The following SLAMF1 variants were observed in gnomAD, a reference collection of about 807,000 sequenced individuals.
SLAMF1 encodes signaling lymphocytic activation molecule family member 1.
SLAMF1 carries 18 observed loss-of-function variants against 35.1 expected under a neutral mutation model. That is an observed-to-expected ratio of 0.51 (90% CI 0.35 to 0.76). The LOEUF is 0.76. SLAMF1 is among the 30% of genes least tolerant of loss of function. The probability of loss-of-function intolerance (pLI) is 0.01; values close to 1 mark genes in which losing one functional copy is unlikely to be tolerated. For synonymous variants in SLAMF1, 168 were observed against 157.2 expected (o/e 1.07, Z -0.51); for missense variants, 392 against 413.0 (o/e 0.95, Z 0.44).
Position 160,637,321 on chromosome 1 carries a change from G to C in SLAMF1, c.285C>G (p.Arg95=). Residue 95 remains arginine, a synonymous_variant, in exon 2 of 7, where the codon CGC becomes CGG. Transcript: ENST00000302035. ...EAGPPRYLGD[R]YKFYLENLTL... ...TGAGATTCTCCAGATAAAACTTGTA[G>C]CGATCTCCTAGATAACGTGGAGGGC... 3 of 1,613,926 alleles carry C rather than the reference G, an allele frequency of 1.9e-6. No individual in the cohort carries two copies. The highest frequency in any genetic ancestry group is 2.5e-6 in the Non-Finnish European group (3 of 1,179,848).
At chr1:160,623,388 T>A (rs531632691) in intron 4 of SLAMF1, 4 of 394,866 alleles carry the variant, frequency 1.0e-5, no homozygotes, top group African/African-American at 8.2e-5. Flanking sequence ...AAAACCAACA[T>A]CAGAGTGCTG....
At chr1:160,623,522 C>T in intron 4 of SLAMF1, 1 of 398,686 alleles carries the variant, frequency 2.5e-6, no homozygotes, top group Non-Finnish European at 4.4e-6. Context: ...GCAGCCGGGG[C>T]ATCTCTCCTG....
chr1:160,645,939 G>A (rs1203803142), intron 1 of SLAMF1, among the ~76,000 whole-genome samples: 4 of 151,982 alleles, frequency 2.6e-5, no homozygotes, highest in Admixed American at 6.6e-5. Context: ...ATTTCCCCCC[G>A]TGTCCGTAAT....
intron 3 of SLAMF1, chr1:160,634,377 G>A: frequency 1.0e-6 from 1 of 983,738 alleles, no homozygotes; most frequent in East Asian, 1.1e-4. Context: ...TAGGCTCTGG[G>A]TCTGTCTCTA....
chr1:160,626,420 T>C (rs1659882042), intron 3 of SLAMF1, among the ~76,000 whole-genome samples: 1 of 152,238 alleles, frequency 6.6e-6, no homozygotes, highest in South Asian at 2.1e-4. Flanking sequence ...CTTTGTCCTA[T>C]GACAAGCTTC....
chr1:160,611,474 T>C (rs1034509654), intron 6 of SLAMF1, among the ~76,000 whole-genome samples: 22 of 152,200 alleles, frequency 1.4e-4, no homozygotes, highest in Non-Finnish European at 4.4e-5. Flanking sequence ...TCTTGAAATA[T>C]AGGGCACCTG....
chr1:160,641,248 G>C (rs991633847), intron 1 of SLAMF1, among the ~76,000 whole-genome samples: 2 of 152,060 alleles, frequency 1.3e-5, no homozygotes, highest in Non-Finnish European at 2.9e-5. Context: ...TGCTAGCGTA[G>C]TGTTGATTTT....
intron 1 of SLAMF1, among the ~76,000 whole-genome samples, chr1:160,644,328 G>T (rs543184215): frequency 1.3e-5 from 2 of 152,256 alleles, no homozygotes; most frequent in Admixed American, 6.5e-5. Context: ...CTATGTGAGC[G>T]CAGAGAAATT....
intron 6 of SLAMF1, 40 bp from the exon 7 acceptor site, chr1:160,610,838 TACTC>T: frequency 7.0e-7 from 1 of 1,424,398 alleles, no homozygotes; most frequent in East Asian, 2.3e-5. Context: ...AGGGACTGGA[TACTC>T]ACTTCACAGA....
chr1:160,637,224 C>G lies in SLAMF1; in HGVS notation c.382G>C (p.Val128Leu). Residue 128 changes from valine (V) to leucine (L), a missense_variant, in exon 2 of 7, where the codon GTT becomes CTT. Val to Leu is a conservative substitution (Grantham distance 32). Coordinates refer to ENST00000302035, the MANE Select transcript of SLAMF1 (RefSeq NM_003037.5). The stretch of plus-strand genomic sequence containing the variant: ...CTCAACTGCAGGCAAAAGCGCTGAA[C>G]TGAAACATTTTTCTCCAGGGTCATA... The part of the protein sequence containing the change: ...YLMTLEKNVS[V>L]QRFCLQLRLY... 5.0e-6 allele frequency: 8 copies of G among 1,614,134 alleles called. No individual in the cohort carries two copies. Among genetic ancestry groups the G allele is most frequent in the Non-Finnish European group, 6.8e-6 (8 of 1,180,008 alleles).
At chr1:160,629,573 C>G (rs1660062048) in intron 3 of SLAMF1, among the ~76,000 whole-genome samples, 1 of 152,086 alleles carries the variant, frequency 6.6e-6, no homozygotes, top group Admixed American at 6.6e-5. Flanking sequence ...TCCTCATGAA[C>G]CATATACTAA....
At chr1:160,614,298 G>T (rs886186628) in intron 5 of SLAMF1, among the ~76,000 whole-genome samples, 1 of 152,178 alleles carries the variant, frequency 6.6e-6, no homozygotes, top group African/African-American at 2.4e-5. Context: ...ACCTTTGGCC[G>T]GGCGTGGTGG....
At position 160,614,937 on chromosome 1, in the gene SLAMF1, A is replaced by G. The variant is rs558525726; in HGVS notation, c.865-2357T>C. Among the ~76,000 whole-genome samples the G allele has an allele frequency of 1.6e-3, 250 of 152,270 alleles. 4 individuals are homozygous for G. Among genetic ancestry groups the G allele is most frequent in the Non-Finnish European group, 1.5e-3 (102 of 68,016 alleles). ...ATTTACAAGCAACTCCAGAGGCATTATTTTCACATAATTTTTGTGAATGGT... is the reference window on the plus strand; with the variant it reads ...ATTTACAAGCAACTCCAGAGGCATTGTTTTCACATAATTTTTGTGAATGGT... On this transcript the variant is annotated intron_variant, in intron 5 of 6. Coordinates refer to ENST00000302035, the MANE Select transcript of SLAMF1 (RefSeq NM_003037.5).
chr1:160,627,513 C>T (rs1659943574), intron 3 of SLAMF1, among the ~76,000 whole-genome samples: 1 of 152,184 alleles, frequency 6.6e-6, no homozygotes, highest in Non-Finnish European at 1.5e-5. Context: ...CTGTTCTTTA[C>T]TTATGGCTTA....
Position 160,610,585 on chromosome 1 carries a change from T to C in SLAMF1, c.*163A>G. The C allele has an allele frequency of 1.6e-6, 1 of 635,682 alleles. No individual in the cohort carries two copies. Among genetic ancestry groups the C allele is most frequent in the Non-Finnish European group, 2.9e-6 (1 of 349,226 alleles). The allele number at this position is 635,682 out of a possible 1,614,324, so 39.4% of individuals were successfully genotyped here. ...TTGGGAAGCCTCACTTCCTTGTTCATTTCACAGATGTATGTGGAAGAAACA... is the reference window on the plus strand; with the variant it reads ...TTGGGAAGCCTCACTTCCTTGTTCACTTCACAGATGTATGTGGAAGAAACA... On this transcript the variant is annotated 3_prime_UTR_variant, in exon 7 of 7. Transcript: ENST00000302035.
intron 1 of SLAMF1, among the ~76,000 whole-genome samples, chr1:160,646,153 A>G (rs1661028334): frequency 6.6e-6 from 1 of 152,226 alleles, no homozygotes; most frequent in African/African-American, 2.4e-5. Context: ...ACAGGAACAG[A>G]GTCCAGATCC....
chr1:160,644,140 G>A (rs190743197), intron 1 of SLAMF1, among the ~76,000 whole-genome samples: 3 of 152,160 alleles, frequency 2.0e-5, no homozygotes, highest in Admixed American at 2.0e-4. Flanking sequence ...CTCACCTTTT[G>A]GACATTTCTA....
rs185933370 is a variant in SLAMF1, at chr1:160,608,251, C to A, written c.*2497G>T. 5.3e-4 allele frequency: 80 copies of A among 152,334 alleles called. No homozygotes were observed. The highest frequency in any genetic ancestry group is 1.8e-3 in the African/African-American group (76 of 41,568). The allele number at this position is 152,334 out of a possible 1,614,324, so 9.4% of individuals were successfully genotyped here. A position where few individuals can be genotyped will look rare whatever the true frequency, so the allele number is the denominator to read the frequency against. ...ATCCCCGCTGTGTGAATGGAGGAAG[C>A]GTCCTGAAGAGCCTGGGACTGTGCC... On this transcript the variant is annotated 3_prime_UTR_variant, in exon 7 of 7. Coordinates refer to ENST00000302035, the MANE Select transcript of SLAMF1 (RefSeq NM_003037.5).
At chr1:160,636,668 G>A (rs1360379934) in intron 2 of SLAMF1, among the ~76,000 whole-genome samples, 1 of 152,216 alleles carries the variant, frequency 6.6e-6, no homozygotes. Context: ...GGTATGATCT[G>A]GTGCCGGAAT....
Sources: allele counts gnomAD v4.1 joint callset (sites outside exome capture counted in the v4.1 genomes callset), GRCh38; gene constraint gnomAD v4.1.1; transcripts MANE v1.5; gene names NCBI Gene and HGNC (gene_info 2026-07-23, HGNC 2026-07-21).